RPGR: variants seen among roughly 807,000 people sequenced by gnomAD.
RPGR encodes retinitis pigmentosa GTPase regulator, also known as X-linked retinitis pigmentosa GTPase regulator.
RPGR carries 10 observed loss-of-function variants against 56.3 expected under a neutral mutation model. The observed-to-expected ratio is 0.18, with a 90% CI of 0.11 to 0.30. The LOEUF (loss-of-function observed/expected upper bound fraction) is 0.30, where lower values mean the gene tolerates loss of function less well. RPGR is among the 10% of genes least tolerant of loss of function. RPGR has a pLI of 1.00. For missense variants in RPGR, 538 were observed against 590.9 expected (o/e 0.91, Z 0.93); for synonymous variants, 197 against 212.9 (o/e 0.93, Z 0.65).
chrX:38,284,533 A>C, intron 15 of RPGR: 1 of 749,003 alleles, frequency 1.3e-6, no homozygotes, highest in Non-Finnish European at 1.6e-6. Context: ...CTGATAAAGT[A>C]CAGTTAAAGC....
chrX:38,322,594 T>TG lies in RPGR; in HGVS notation c.247+258dup, dbSNP rs781057977. Among the ~76,000 whole-genome samples the TG allele has an allele frequency of 3.6e-5, 4 of 112,013 alleles. No homozygotes were observed. In the East Asian group the frequency reaches 1.1e-3, roughly 31 times the overall value. ...AAACTAACAAACAAACAAAAAAAGA[T>TG]GGGGGATATTCAAATGCAATACTGT... On this transcript the variant is annotated intron_variant, in intron 3 of 18. Coordinates refer to ENST00000642395, the MANE Select transcript of RPGR (RefSeq NM_000328.3).
intron 7 of RPGR, among the ~76,000 whole-genome samples, chrX:38,309,805 A>G (rs886327054): frequency 1.8e-5 from 2 of 111,352 alleles, no homozygotes; most frequent in African/African-American, 6.6e-5. Flanking sequence ...TGCAGCCTAC[A>G]TGACAAGAGC....
At chrX:38,325,541 A>G (rs1343480392) in intron 1 of RPGR, among the ~76,000 whole-genome samples, 1 of 112,120 alleles carries the variant, frequency 8.9e-6, no homozygotes, top group Non-Finnish European at 1.9e-5. Context: ...TCCAGTTATA[A>G]AATGAAAAGA....
chrX:38,323,276 CA>C, intron 2 of RPGR, 122 bp downstream of exon 2: 1 of 706,560 alleles, frequency 1.4e-6, no homozygotes. Context: ...AATTCTCCAG[CA>C]AAGTAAAAAA....
At position 38,299,760 on chromosome X, in the gene RPGR, A is replaced by T. The variant is rs59145148; in HGVS notation, c.1060-619T>A. ...ATGCTAAAAAAAAAACCCATAGTGC[A>T]GTATTTTCCGTACATAGGTTCTAGA... On this transcript the variant is annotated intron_variant, in intron 9 of 18. Coordinates refer to ENST00000642395, the MANE Select transcript of RPGR (RefSeq NM_000328.3). 8.2e-4 allele frequency among the ~76,000 whole-genome samples: 90 copies of T among 110,242 alleles called. 2 individuals are homozygous for T. In the East Asian group the frequency reaches 0.024, roughly 30 times the overall value.
At chrX:38,324,314 T>TCTCAGG (rs1450197078) in intron 1 of RPGR, among the ~76,000 whole-genome samples, 1 of 110,908 alleles carries the variant, frequency 9.0e-6, no homozygotes, top group Admixed American at 9.6e-5. Flanking sequence ...AAACTCCTGG[T>TCTCAGG]CTCAGGCTCA....
chrX:38,274,980 A>G, intron 17 of RPGR: 1 of 604,054 alleles, frequency 1.7e-6, no homozygotes, highest in Non-Finnish European at 2.7e-6. Context: ...ATTATAGCAT[A>G]TATGTAAACT....
intron 15 of RPGR, among the ~76,000 whole-genome samples, chrX:38,282,603 G>A (rs988196069): frequency 2.7e-5 from 3 of 111,521 alleles, no homozygotes; most frequent in East Asian, 2.8e-4. Flanking sequence ...CCTTATTCTC[G>A]ATCTTGCTGA....
intron 11 of RPGR, among the ~76,000 whole-genome samples, chrX:38,292,008 C>G (rs1014470093): frequency 2.3e-4 from 26 of 111,184 alleles, no homozygotes; most frequent in Non-Finnish European, 4.0e-4. Flanking sequence ...CCCAGCTACA[C>G]TCGTGCACTC....
chrX:38,286,122 C>T (rs1445027285), intron 15 of RPGR: 5 of 440,306 alleles, frequency 1.1e-5, no homozygotes, highest in East Asian at 8.1e-5. Flanking sequence ...CTCCTTCCTC[C>T]TCTTCCCCCT....
chrX:38,296,432 T>C (rs1218697852), intron 11 of RPGR, among the ~76,000 whole-genome samples: 1 of 112,149 alleles, frequency 8.9e-6, no homozygotes, highest in African/African-American at 3.2e-5. Flanking sequence ...TCTCTAGATG[T>C]CCTGCAGTAA....
chrX:38,326,242 G>A (rs1387246019), intron 1 of RPGR, among the ~76,000 whole-genome samples: 1 of 111,994 alleles, frequency 8.9e-6, no homozygotes, highest in Admixed American at 9.5e-5. Context: ...TGGTCATTTT[G>A]TTTACTTTCC....
At chrX:38,275,519 T>C (rs73471866) in intron 16 of RPGR, among the ~76,000 whole-genome samples, 2,086 of 112,116 alleles carry the variant, frequency 0.019, 42 homozygotes, top group African/African-American at 0.064. Context: ...ATGTTCCCTA[T>C]AAACAGAATC....
At chrX:38,314,629 A>G (rs1481029688) in intron 6 of RPGR, among the ~76,000 whole-genome samples, 7 of 112,077 alleles carry the variant, frequency 6.2e-5, no homozygotes, top group African/African-American at 2.3e-4. Context: ...GCAATCAGGG[A>G]TAATACCTGA....
chrX:38,303,721 AACAGTAT>A, intron 8 of RPGR: 1 of 297,279 alleles, frequency 3.4e-6, no homozygotes. Flanking sequence ...GGGAAGAAGA[AACAGTAT>A]ATCTTGCATT....
At position 38,286,151 on chromosome X, in the gene RPGR, C is replaced by T; in HGVS notation, c.1905+943G>A. The T allele has an allele frequency of 4.7e-6, 3 of 643,943 alleles. No individual in the cohort carries two copies. In the South Asian group the frequency reaches 1.1e-4, roughly 23 times the overall value. 53.1% of individuals were successfully genotyped at this position (643,943 alleles called of 1,213,427 possible). Reference sequence around the variant, plus strand: ...TCCCCCTCCCATTCTCCTTCCTCCTCTTCCCCCTCCCCTTCTCCATCCTCC... The same window carrying T: ...TCCCCCTCCCATTCTCCTTCCTCCTTTTCCCCCTCCCCTTCTCCATCCTCC... On this transcript the variant is annotated intron_variant, in intron 15 of 18. Coordinates refer to ENST00000642395, the MANE Select transcript of RPGR (RefSeq NM_000328.3).
chrX:38,324,655 C>G (rs1211044385), intron 1 of RPGR, among the ~76,000 whole-genome samples: 1 of 108,330 alleles, frequency 9.2e-6, no homozygotes, highest in African/African-American at 3.4e-5. Flanking sequence ...ATAGCTACCT[C>G]TGTAAACTCT....
At chrX:38,311,249 C>G (rs973174986) in intron 6 of RPGR, among the ~76,000 whole-genome samples, 1 of 112,176 alleles carries the variant, frequency 8.9e-6, no homozygotes, top group Non-Finnish European at 1.9e-5. Context: ...GCAGATTTTA[C>G]CCATTTAGAT....
At chrX:38,304,980 G>C in intron 7 of RPGR, 190 bp from the exon 8 acceptor site, 1 of 441,285 alleles carries the variant, frequency 2.3e-6, no homozygotes, top group Non-Finnish European at 4.0e-6. Context: ...AAAATGAAAA[G>C]GTACATCATT....
Sources: allele counts gnomAD v4.1 joint callset (sites outside exome capture counted in the v4.1 genomes callset), GRCh38; gene constraint gnomAD v4.1.1; transcripts MANE v1.5; gene names NCBI Gene and HGNC (gene_info 2026-07-23, HGNC 2026-07-21).